Variants in CYRIB observed in about 807,000 individuals in gnomAD.
The protein encoded by CYRIB is CYFIP related Rac1 interactor B, also known as CYFIP-related Rac1 interactor B.
CYRIB carries 8 observed loss-of-function variants against 44.2 expected under a neutral mutation model. The ratio of observed to expected loss-of-function variants is 0.18; its 90% CI spans 0.11 to 0.33. CYRIB has a LOEUF of 0.33. Among genes scored for constraint, CYRIB ranks in the 10% least tolerant of loss-of-function variants. CYRIB has a pLI of 1.00. For missense variants in CYRIB, 185 were observed against 382.8 expected, an observed-to-expected ratio of 0.48 and a Z score of 4.31; for synonymous variants, 131 against 127.2, an observed-to-expected ratio of 1.03 and a Z score of -0.20.
intron 4 of CYRIB, among the ~76,000 whole-genome samples, chr8:129,869,621 G>T (rs1267061854): frequency 6.6e-6 from 1 of 151,908 alleles, no homozygotes; most frequent in Admixed American, 6.6e-5. Flanking sequence ...TTCAAAATAC[G>T]TTTAAATGTT....
At chr8:129,853,710 C>T (rs2131681675) in intron 7 of CYRIB, among the ~76,000 whole-genome samples, 1 of 152,164 alleles carries the variant, frequency 6.6e-6, no homozygotes, top group Admixed American at 6.5e-5. Context: ...AGTTAAGAGA[C>T]CTAAAGAAGC....
chr8:129,884,846 T>C (rs1467090888), intron 2 of CYRIB, among the ~76,000 whole-genome samples: 2 of 152,194 alleles, frequency 1.3e-5, no homozygotes, highest in Non-Finnish European at 2.9e-5. Flanking sequence ...GTTGTCCTAT[T>C]TCTGGTGGAA....
At chr8:129,881,757 G>A (rs748063874) in intron 2 of CYRIB, among the ~76,000 whole-genome samples, 3 of 152,108 alleles carry the variant, frequency 2.0e-5, no homozygotes, top group Admixed American at 1.3e-4. Context: ...GAATTTCAAT[G>A]GTCTGATTTT....
At chr8:129,938,517 C>T (rs1355818837) in intron 1 of CYRIB, among the ~76,000 whole-genome samples, 1 of 152,148 alleles carries the variant, frequency 6.6e-6, no homozygotes, top group Non-Finnish European at 1.5e-5. Context: ...TAGCAAAAAA[C>T]GTGTAAGCAA....
At chr8:129,951,578 T>C (rs1681575200) in intron 2 of CYRIB, among the ~76,000 whole-genome samples, 1 of 151,512 alleles carries the variant, frequency 6.6e-6, no homozygotes, top group South Asian at 2.1e-4. Context: ...TGGTGGCACG[T>C]GCCTGTAATC....
intron 2 of CYRIB, among the ~76,000 whole-genome samples, chr8:129,880,098 T>C (rs1474430315): frequency 1.3e-5 from 2 of 152,242 alleles, no homozygotes. Flanking sequence ...ACATAGTCAC[T>C]AAAGCATACT....
At chr8:129,958,244 A>G (rs1055847750) in intron 2 of CYRIB, among the ~76,000 whole-genome samples, 21 of 151,964 alleles carry the variant, frequency 1.4e-4, no homozygotes, top group Non-Finnish European at 1.8e-4. Context: ...ACCTATGAAG[A>G]AAAAAGAGCC....
At position 129,859,406 on chromosome 8, in the gene CYRIB, G is replaced by A. The variant is rs559902523; in HGVS notation, c.301+2823C>T. Among the ~76,000 whole-genome samples, 324 of 151,464 alleles carry A rather than the reference G, an allele frequency of 2.1e-3. 5 individuals are homozygous for A. Among genetic ancestry groups the A allele is most frequent in the African/African-American group, 7.5e-3 (308 of 40,904 alleles). On this transcript the variant is annotated intron_variant, in intron 5 of 11. Coordinates refer to ENST00000519824, the Ensembl canonical transcript of CYRIB. ...GTTAGGCCTCCGGATAACTGCAGGT[G>A]GGCCTGACTAATGTCAGGCCCTCCA...
At chr8:129,963,176 G>A (rs1350410403) in intron 2 of CYRIB, among the ~76,000 whole-genome samples, 3 of 152,192 alleles carry the variant, frequency 2.0e-5, no homozygotes, top group Non-Finnish European at 4.4e-5. Context: ...GGGAGGCAGC[G>A]TTAAAGATGG....
chr8:129,926,386 GTGCT>G (rs1193847689), intron 1 of CYRIB, among the ~76,000 whole-genome samples: 1 of 152,084 alleles, frequency 6.6e-6, no homozygotes, highest in African/African-American at 2.4e-5. Context: ...CTGAACTAGT[GTGCT>G]GCTCTTTCTA....
intron 2 of CYRIB, among the ~76,000 whole-genome samples, chr8:129,946,216 C>T (rs1365029383): frequency 1.3e-5 from 2 of 152,126 alleles, no homozygotes; most frequent in African/African-American, 4.8e-5. Context: ...TTTGTTATTG[C>T]CCAATTGTCC....
chr8:129,864,629 G>T (rs1467611190), intron 4 of CYRIB: 1 of 199,348 alleles, frequency 5.0e-6, no homozygotes, highest in African/African-American at 2.4e-5. Context: ...GGCCACACAA[G>T]GTTATGTCAT....
At chr8:129,966,421 AGTCACAAAAGGTT>A (rs2095480603) in intron 2 of CYRIB, among the ~76,000 whole-genome samples, 1 of 152,238 alleles carries the variant, frequency 6.6e-6, no homozygotes, top group Non-Finnish European at 1.5e-5. Context: ...CTCCAACCAC[AGTCACAAAAGGTT>A]GTTTTGTTTT....
rs545549787 is a variant in CYRIB, at chr8:129,859,679, T to C, written c.301+2550A>G. 3.9e-5 allele frequency among the ~76,000 whole-genome samples: 6 copies of C among 152,324 alleles called. No homozygotes were observed. In the South Asian group the frequency reaches 1.0e-3, roughly 26 times the overall value. ...TCTGGTCACTCCTCACTATGTCCCC[T>C]CAGCTCCTATCTCTGTATGGCCTGG... On this transcript the variant is annotated intron_variant, in intron 5 of 11. Coordinates refer to ENST00000519824, the Ensembl canonical transcript of CYRIB.
intron 3 of CYRIB, among the ~76,000 whole-genome samples, chr8:129,876,094 C>T (rs1178865849): frequency 6.6e-6 from 1 of 150,860 alleles, no homozygotes; most frequent in Non-Finnish European, 1.5e-5. Flanking sequence ...GCTTGGGTGA[C>T]GGAGTGAGAC....
rs115644664 is a variant in CYRIB at position 129,935,751 on chromosome 8, G to C, written c.-50+3857C>G. 6.4e-4 allele frequency among the ~76,000 whole-genome samples: 97 copies of C among 152,238 alleles called. 1 individual carries two copies. The highest frequency in any genetic ancestry group is 3.4e-3 in the Middle Eastern group (1 of 294). ...AGGCTTCACAGTGTCACATACAATA[G>C]TACCTTAATGTTGATGATCAATCTT... On this transcript the variant is annotated intron_variant, in intron 1 of 11. Coordinates refer to ENST00000519824, the Ensembl canonical transcript of CYRIB.
At chr8:130,007,934 C>T (rs573376972) in intron 1 of CYRIB, among the ~76,000 whole-genome samples, 6 of 152,232 alleles carry the variant, frequency 3.9e-5, no homozygotes, top group African/African-American at 1.4e-4. Context: ...CCAGGCCAGG[C>T]ATGGTGGCTC....
At chr8:129,914,230 G>A (rs994991373) in intron 1 of CYRIB, among the ~76,000 whole-genome samples, 1 of 152,192 alleles carries the variant, frequency 6.6e-6, no homozygotes, top group Admixed American at 6.5e-5. Flanking sequence ...GATAATGCTG[G>A]AAATAAAATT....
intron 1 of CYRIB, among the ~76,000 whole-genome samples, chr8:129,995,613 A>C (rs1023656220): frequency 2.0e-5 from 3 of 152,180 alleles, no homozygotes; most frequent in Non-Finnish European, 4.4e-5. Flanking sequence ...AGGAGAGGAG[A>C]ACAGAGAAGG....
Sources: gnomAD v4.1 joint callset for allele counts (sites outside exome capture counted in the v4.1 genomes callset) on GRCh38, gnomAD v4.1.1 for gene constraint, MANE v1.5 for transcripts, NCBI Gene and HGNC (gene_info 2026-07-23, HGNC 2026-07-21) for gene names.